IL1RAPL1: variants seen among roughly 807,000 people sequenced by gnomAD.
IL1RAPL1 encodes interleukin-1 receptor accessory protein-like 1.
In IL1RAPL1, 3 loss-of-function variants were observed where a neutral mutation model predicts 48.4. That is an observed-to-expected ratio of 0.06 (90% confidence interval 0.03 to 0.16). The LOEUF is 0.16. IL1RAPL1 is among the 10% of genes least tolerant of loss of function. The pLI is 1.00. For synonymous variants in IL1RAPL1, 185 were observed against 187.7 expected (o/e 0.99, Z 0.12); for missense variants, 349 against 530.6 (o/e 0.66, Z 3.36).
chrX:29,783,069 T>A (rs1929395888), intron 6 of IL1RAPL1, among the ~76,000 whole-genome samples: 1 of 106,373 alleles, frequency 9.4e-6, no homozygotes, highest in African/African-American at 3.4e-5. Context: ...TACGCCCGGC[T>A]AATTTTTTGT....
At chrX:29,834,430 A>G (rs889612708) in intron 6 of IL1RAPL1, among the ~76,000 whole-genome samples, 6 of 110,666 alleles carry the variant, frequency 5.4e-5, no homozygotes, top group African/African-American at 1.3e-4. Context: ...ATCCAGTCAT[A>G]GAAATATCAC....
At chrX:29,464,053 C>T (rs1934834748) in intron 5 of IL1RAPL1, among the ~76,000 whole-genome samples, 1 of 112,031 alleles carries the variant, frequency 8.9e-6, no homozygotes, top group Non-Finnish European at 1.9e-5. Flanking sequence ...ACTCCTCAGC[C>T]AATTCCTTCT....
intron 5 of IL1RAPL1, among the ~76,000 whole-genome samples, chrX:29,557,858 T>TA (rs59334887): frequency 5.5e-5 from 6 of 109,751 alleles, no homozygotes; most frequent in Admixed American, 9.7e-5. Context: ...TCCTTTTTTT[T>TA]AAAAAAAAAT....
chrX:29,565,404 T>A (rs1476938697), intron 5 of IL1RAPL1, among the ~76,000 whole-genome samples: 1 of 110,531 alleles, frequency 9.0e-6, no homozygotes, highest in Non-Finnish European at 1.9e-5. Flanking sequence ...GAAATTCTAG[T>A]CAATATGTAT....
chrX:29,663,563 A>G (rs995635028), intron 5 of IL1RAPL1, among the ~76,000 whole-genome samples: 1 of 112,169 alleles, frequency 8.9e-6, no homozygotes, highest in African/African-American at 3.2e-5. Context: ...AATTATCTAG[A>G]TTATAAGCTC....
At chrX:29,438,434 G>A (rs895313142) in intron 5 of IL1RAPL1, among the ~76,000 whole-genome samples, 2 of 110,744 alleles carry the variant, frequency 1.8e-5, no homozygotes, top group Non-Finnish European at 3.8e-5. Flanking sequence ...TGGGTTCATC[G>A]TGCTTTTTCT....
In IL1RAPL1 at chrX:29,057,630, T is replaced by C. The variant is rs1326535088; in HGVS notation, c.83-225308T>C. 2.7e-5 allele frequency among the ~76,000 whole-genome samples: 3 copies of C among 110,962 alleles called. No homozygotes were observed. The East Asian group carries it at 8.5e-4, about 32-fold the overall frequency. ...TTTTAATAGAGATGGGGTTTCACCA[T>C]GTTGGCCAGGCTGGTCTCGAACTCT... On this transcript the variant is annotated intron_variant, in intron 2 of 10. Transcript: ENST00000378993.
intron 5 of IL1RAPL1, among the ~76,000 whole-genome samples, chrX:29,508,602 A>G (rs1281794779): frequency 8.9e-6 from 1 of 112,162 alleles, no homozygotes; most frequent in Non-Finnish European, 1.9e-5. Context: ...GAAGACATCC[A>G]GGATCATTTA....
intron 2 of IL1RAPL1, among the ~76,000 whole-genome samples, chrX:28,939,246 A>C (rs111957120): frequency 0.44 from 48,682 of 109,604 alleles, 7,889 homozygotes; most frequent in Middle Eastern, 0.58. Context: ...TGTTCATTGC[A>C]GCAGTATTCA....
intron 5 of IL1RAPL1, among the ~76,000 whole-genome samples, chrX:29,488,824 A>G (rs34601880): frequency 1.8e-5 from 2 of 112,455 alleles, no homozygotes; most frequent in African/African-American, 6.5e-5. Flanking sequence ...GGCAAAAAGG[A>G]GAGCTTTACT....
At chrX:29,817,352 A>G (rs773715363) in intron 6 of IL1RAPL1, among the ~76,000 whole-genome samples, 72 of 111,888 alleles carry the variant, frequency 6.4e-4, no homozygotes, top group African/African-American at 1.5e-3. Flanking sequence ...TTTTCCAAGT[A>G]TAGTTTTTCT....
chrX:29,269,584 A>G (rs1040371863), intron 2 of IL1RAPL1, among the ~76,000 whole-genome samples: 2 of 110,042 alleles, frequency 1.8e-5, no homozygotes, highest in African/African-American at 6.6e-5. Flanking sequence ...TGCCAATGAA[A>G]ACTCTGGAAA....
At chrX:29,559,445 C>T (rs983020753) in intron 5 of IL1RAPL1, among the ~76,000 whole-genome samples, 10 of 111,734 alleles carry the variant, frequency 8.9e-5, no homozygotes, top group Non-Finnish European at 1.9e-4. Flanking sequence ...GCAGTGAAGC[C>T]ATTTGATCCT....
intron 1 of IL1RAPL1, among the ~76,000 whole-genome samples, chrX:28,617,377 G>A (rs1319739596): frequency 9.0e-6 from 1 of 111,394 alleles, no homozygotes; most frequent in African/African-American, 3.3e-5. Context: ...TTAAAATGAA[G>A]GATTGTATGA....
At chrX:28,988,792 T>C (rs984124429) in intron 2 of IL1RAPL1, among the ~76,000 whole-genome samples, 1 of 112,333 alleles carries the variant, frequency 8.9e-6, no homozygotes, top group Non-Finnish European at 1.9e-5. Context: ...GATGGAGATA[T>C]TGATATTACA....
intron 2 of IL1RAPL1, among the ~76,000 whole-genome samples, chrX:28,831,929 T>C (rs1417003547): frequency 9.0e-6 from 1 of 111,589 alleles, no homozygotes; most frequent in Admixed American, 9.6e-5. Flanking sequence ...ATAATTACAA[T>C]AGTGCTTCAT....
chrX:28,812,304 A>G (rs914215717), intron 2 of IL1RAPL1, among the ~76,000 whole-genome samples: 20 of 110,855 alleles, frequency 1.8e-4, no homozygotes, highest in Non-Finnish European at 5.7e-5. Flanking sequence ...TTTTAATTCA[A>G]TTATATTGAT....
intron 5 of IL1RAPL1, among the ~76,000 whole-genome samples, chrX:29,435,962 G>A (rs1413438249): frequency 9.1e-6 from 1 of 110,129 alleles, no homozygotes; most frequent in Admixed American, 9.7e-5. Flanking sequence ...TTCTTGACCT[G>A]AGCTTCCATT....
intron 5 of IL1RAPL1, among the ~76,000 whole-genome samples, chrX:29,656,220 A>G (rs1471890669): frequency 8.9e-6 from 1 of 112,834 alleles, no homozygotes; most frequent in African/African-American, 3.2e-5. Context: ...GAAGTATATT[A>G]GTATATAGGA....
Sources: allele counts gnomAD v4.1 joint callset (sites outside exome capture counted in the v4.1 genomes callset), GRCh38; gene constraint gnomAD v4.1.1; transcripts MANE v1.5; gene names NCBI Gene and HGNC (gene_info 2026-07-23, HGNC 2026-07-21).